The following NME8 variants were observed in gnomAD, a reference collection of about 807,000 sequenced individuals.
The protein encoded by NME8 is NME/NM23 family member 8.
Under a neutral mutation model 82.3 loss-of-function variants are expected in NME8, and 72 were observed. The ratio of observed to expected loss-of-function variants is 0.87; its 90% CI spans 0.72 to 1.06. The LOEUF is 1.06. NME8 is among the 50% of genes least tolerant of loss of function. The pLI is 0.00. For synonymous variants in NME8, 267 were observed against 228.5 expected (o/e 1.17, Z -1.52); for missense variants, 712 against 685.4 (o/e 1.04, Z -0.43).
At chr7:37,893,963 G>A (rs929107722) in intron 15 of NME8, among the ~76,000 whole-genome samples, 4 of 152,110 alleles carry the variant, frequency 2.6e-5, no homozygotes, top group Non-Finnish European at 5.9e-5. Flanking sequence ...TTACCAGAAA[G>A]CTCCCAGTTT....
intron 2 of NME8, among the ~76,000 whole-genome samples, chr7:37,849,868 T>TC (rs746833341): frequency 2.7e-5 from 3 of 111,584 alleles, no homozygotes; most frequent in Admixed American, 9.4e-5. Flanking sequence ...AGACTATGTC[T>TC]CAAAAAAAAA....
chr7:37,884,239 T>C, intron 12 of NME8, 64 bp from the exon 13 acceptor site: 1 of 1,116,662 alleles, frequency 9.0e-7, no homozygotes, highest in East Asian at 2.4e-5. Flanking sequence ...TAGTATATTA[T>C]GTATTGTGTA....
intron 14 of NME8, among the ~76,000 whole-genome samples, chr7:37,887,909 C>G (rs1785068514): frequency 6.6e-6 from 1 of 152,066 alleles, no homozygotes; most frequent in African/African-American, 2.4e-5. Context: ...GGAGAAACTG[C>G]CCCCATGATT....
At chr7:37,860,410 T>G (rs1013976298) in intron 6 of NME8, among the ~76,000 whole-genome samples, 3 of 152,240 alleles carry the variant, frequency 2.0e-5, no homozygotes, top group African/African-American at 7.2e-5. Flanking sequence ...CTAAGTATAA[T>G]GGATATTGTT....
At chr7:37,850,033 C>A (rs1740289140) in intron 2 of NME8, among the ~76,000 whole-genome samples, 1 of 151,840 alleles carries the variant, frequency 6.6e-6, no homozygotes, top group South Asian at 2.1e-4. Context: ...TGATGGATAC[C>A]CCATTTACCC....
rs150232528 is a variant in NME8, at chr7:37,868,217, G to A, written c.818+319G>A. On this transcript the variant is annotated intron_variant, in intron 11 of 17. Transcript: ENST00000199447. The stretch of plus-strand genomic sequence containing the variant: ...TGCAGCGGGGCTCCTCAGTGAGAGA[G>A]GACTGAGCTCGCCATGGTGGATTTT... 1.7e-3 allele frequency among the ~76,000 whole-genome samples: 253 copies of A among 152,238 alleles called. 1 individual carries two copies. The highest frequency in any genetic ancestry group is 5.8e-3 in the African/African-American group (243 of 41,544).
chr7:37,876,815 A>G lies in NME8; in HGVS notation c.819-17A>G. On this transcript the variant is annotated splice_polypyrimidine_tract_variant and intron_variant, in intron 11 of 17. Transcript: ENST00000199447. ...TCAGTTTATAATAATCTTAAATTATATTTTGGATTTTGACAGTTTACAAGA... is the reference window on the plus strand; with the variant it reads ...TCAGTTTATAATAATCTTAAATTATGTTTTGGATTTTGACAGTTTACAAGA... 3 of 1,570,416 alleles carry G rather than the reference A, an allele frequency of 1.9e-6. No homozygotes were observed. Among genetic ancestry groups the G allele is most frequent in the Admixed American group, 1.7e-5 (1 of 59,830 alleles).
Position 37,884,429 on chromosome 7 carries a change from T to A in NME8, c.1121T>A (p.Leu374His), listed in dbSNP as rs370638956. ...EYENEDYFNKLIENMTSGPSL... is the reference protein window; with the variant it reads ...EYENEDYFNKHIENMTSGPSL... ...GAAAATGAAGACTATTTTAATAAAC[T>A]TATAGAAAACATGACCAGGTAGAAT... Residue 374 changes from leucine (L) to histidine (H), a missense_variant, in exon 13 of 18, where the codon CTT becomes CAT. Transcript: ENST00000199447. 1.6e-5 allele frequency: 25 copies of A among 1,611,506 alleles called. No individual in the cohort carries two copies. Among genetic ancestry groups the A allele is most frequent in the Non-Finnish European group, 2.0e-5 (23 of 1,177,944 alleles).
Position 37,885,216 on chromosome 7 carries a change from G to C in NME8, c.1211G>C (p.Arg404Thr), listed in dbSNP as rs1464722362. The change falls in exon 14 of 18, where the codon AGA becomes ACA. Residue 404 changes from arginine (R) to threonine (T), a missense_variant. By Grantham distance (71) the Arg-to-Thr change is moderately conservative. Coordinates refer to ENST00000199447, the MANE Select transcript of NME8 (RefSeq NM_016616.5). ...TACTGGAAACAATTACTGGGACCAA[G>C]AACTGTTGAAGAAGCCATTGAATAT... ...LQYWKQLLGP[R>T]TVEEAIEYFP... The C allele has an allele frequency of 6.2e-7, 1 of 1,613,144 alleles. No individual in the cohort carries two copies. The highest frequency in any genetic ancestry group is 8.5e-7 in the Non-Finnish European group (1 of 1,179,418).
intron 10 of NME8, 30 bp downstream of exon 10, chr7:37,865,647 A>G (rs377233438): frequency 7.0e-7 from 1 of 1,427,612 alleles, no homozygotes; most frequent in African/African-American, 1.4e-5. Context: ...AAAATCCTCT[A>G]TGTGTTTAAA....
intron 12 of NME8, among the ~76,000 whole-genome samples, chr7:37,882,546 G>GGAAAGAAAGAAAGAAAGAAA (rs753903098): frequency 9.8e-5 from 10 of 102,104 alleles, no homozygotes; most frequent in Non-Finnish European, 1.4e-4. Flanking sequence ...AGGGAGGAAG[G>GGAAAGAAAGAAAGAAAGAAA]GAAAGAAAGA....
intron 12 of NME8, among the ~76,000 whole-genome samples, chr7:37,879,234 C>T (rs1035182519): frequency 5.9e-5 from 9 of 152,052 alleles, no homozygotes; most frequent in African/African-American, 1.4e-4. Context: ...CTGCAACCTC[C>T]GCCTCCCAGG....
intron 10 of NME8, among the ~76,000 whole-genome samples, chr7:37,866,080 G>T (rs2131950885): frequency 6.6e-6 from 1 of 151,914 alleles, no homozygotes; most frequent in South Asian, 2.1e-4. Context: ...TTTTTTGTCT[G>T]GGGATATAAT....
At chr7:37,868,697 A>G (rs1184146186) in intron 11 of NME8, among the ~76,000 whole-genome samples, 1 of 151,966 alleles carries the variant, frequency 6.6e-6, no homozygotes, top group Non-Finnish European at 1.5e-5. Context: ...ACCATGTATA[A>G]TCCCTGCCAA....
At chr7:37,893,434 G>A (rs1785164819) in intron 15 of NME8, among the ~76,000 whole-genome samples, 1 of 152,002 alleles carries the variant, frequency 6.6e-6, no homozygotes, top group African/African-American at 2.4e-5. Flanking sequence ...TTCTTCACAG[G>A]GCATAGCTCT....
At position 37,894,526 on chromosome 7, in the gene NME8, T is replaced by A; in HGVS notation, c.1460T>A (p.Phe487Tyr). 6.2e-7 allele frequency: 1 copy of A among 1,612,872 alleles called. No homozygotes were observed. Among genetic ancestry groups the A allele is most frequent in the South Asian group, 1.1e-5 (1 of 91,052 alleles). The part of the protein sequence containing the change: ...GFDLTQVKKM[F>Y]LTPEQIEKIY... ...GATCTGACACAGGTGAAGAAAATGT[T>A]CCTAACTCCTGAGCAAATAGAGAAA... Residue 487 changes from phenylalanine to tyrosine, a missense_variant, in exon 16 of 18, where the codon TTC becomes TAC. Transcript: ENST00000199447.
intron 11 of NME8, among the ~76,000 whole-genome samples, chr7:37,868,915 G>A (rs896859844): frequency 2.6e-5 from 4 of 152,126 alleles, no homozygotes; most frequent in African/African-American, 4.8e-5. Context: ...TGCTGTTTGC[G>A]CCTGTTATTC....
intron 10 of NME8, among the ~76,000 whole-genome samples, chr7:37,866,363 A>G (rs754730090): frequency 5.3e-5 from 8 of 152,144 alleles, no homozygotes; most frequent in Admixed American, 1.3e-4. Context: ...ACTTTGTGGA[A>G]CTGACTGCAC....
chr7:37,888,411 C>T lies in NME8; in HGVS notation c.1382C>T (p.Ala461Val). 6.2e-7 allele frequency: 1 copy of T among 1,612,830 alleles called. No individual in the cohort carries two copies. Residue 461 changes from alanine to valine, a missense_variant, in exon 15 of 18, where the codon GCA becomes GTA. Ala to Val is a moderately conservative substitution (Grantham distance 64). Transcript: ENST00000199447. ...ACTTTAGGCTTGATTAAACCTCATG[C>T]AACAAGTGAACAAAGAGGTAAATAT... ...QSTLGLIKPHATSEQREQILK... is the reference protein window; with the variant it reads ...QSTLGLIKPHVTSEQREQILK...
Sources: allele counts gnomAD v4.1 joint callset (sites outside exome capture counted in the v4.1 genomes callset), GRCh38; gene constraint gnomAD v4.1.1; transcripts MANE v1.5; gene names NCBI Gene and HGNC (gene_info 2026-07-23, HGNC 2026-07-21).